BLOC1S3: variants seen among roughly 807,000 people sequenced by gnomAD.
BLOC1S3 encodes biogenesis of lysosomal organelles complex 1 subunit 3.
A neutral mutation model predicts 9.1 loss-of-function variants in BLOC1S3; 7 were observed. The ratio of observed to expected loss-of-function variants is 0.77; its 90% CI spans 0.44 to 1.45. BLOC1S3 has a LOEUF of 1.45. Among genes scored for constraint, BLOC1S3 ranks in the 40% most tolerant of loss-of-function variants. The probability of loss-of-function intolerance (pLI) is 0.01; values close to 1 mark genes in which losing one functional copy is unlikely to be tolerated. For missense variants in BLOC1S3, 307 were observed against 315.2 expected, an observed-to-expected ratio of 0.97 and a Z score of 0.20; for synonymous variants, 145 against 158.4, an observed-to-expected ratio of 0.92 and a Z score of 0.64.
chr19:45,215,741 G>A (rs1008549999), intron 3 of BLOC1S3, among the ~76,000 whole-genome samples: 25 of 152,128 alleles, frequency 1.6e-4, no homozygotes, highest in African/African-American at 2.4e-5. Context: ...GTGCGTGTGC[G>A]CCCGTGTGCC....
chr19:45,206,419 C>T (rs1479971334), intron 3 of BLOC1S3, among the ~76,000 whole-genome samples: 3 of 93,240 alleles, frequency 3.2e-5, no homozygotes, highest in Non-Finnish European at 4.3e-5. Flanking sequence ...GGTCATTGTT[C>T]TCTTTTTCCA....
intron 2 of BLOC1S3, among the ~76,000 whole-genome samples, chr19:45,193,268 G>A (rs1215543313): frequency 1.3e-5 from 2 of 151,556 alleles, no homozygotes; most frequent in African/African-American, 2.4e-5. Context: ...GCTTTTTTGT[G>A]TGGATAGTTG....
Position 45,179,548 on chromosome 19 carries a change from G to A in BLOC1S3, c.252G>A (p.Val84=). 1 of 1,519,408 alleles carries A rather than the reference G, an allele frequency of 6.6e-7. No individual in the cohort carries two copies. Among genetic ancestry groups the A allele is most frequent in the Non-Finnish European group, 8.8e-7 (1 of 1,141,044 alleles). The allele number at this position is 1,519,408 out of a possible 1,614,324, so 94.1% of individuals were successfully genotyped here. Reference sequence around the variant, plus strand: ...CGCCGAGGGACCTGCCTCCACTCGTGGTGCAGCGGGAATCGGCGGAGGAGG... The same window carrying A: ...CGCCGAGGGACCTGCCTCCACTCGTAGTGCAGCGGGAATCGGCGGAGGAGG... ...TAAPRDLPPL[V]VQRESAEEAW... The change falls in exon 2 of 2, where the codon GTG becomes GTA. Residue 84 remains valine, a synonymous_variant. Transcript: ENST00000433642. This position sits in a 1 kb window ranked among gnomAD's most constrained non-coding sequence, Gnocchi z 4.6.
intron 3 of BLOC1S3, among the ~76,000 whole-genome samples, chr19:45,214,708 A>G (rs1235534300): frequency 2.0e-5 from 3 of 151,496 alleles, no homozygotes; most frequent in Admixed American, 2.0e-4. Context: ...CAGGTGATCC[A>G]CCTACCTCGG....
downstream of BLOC1S3, among the ~76,000 whole-genome samples, chr19:45,182,513 C>T (rs923505008): frequency 6.6e-6 from 1 of 151,928 alleles, no homozygotes; most frequent in Non-Finnish European, 1.5e-5. Context: ...ACTAAAAATA[C>T]ATTAGCCAGG....
At chr19:45,186,981 G>C (rs1218532462), upstream of BLOC1S3, among the ~76,000 whole-genome samples, 1 of 152,230 alleles carries the variant, frequency 6.6e-6, no homozygotes, top group African/African-American at 2.4e-5. Flanking sequence ...GCAGTCAGCA[G>C]GCAGTCACTA....
At chr19:45,215,038 T>C (rs1969818964) in intron 3 of BLOC1S3, among the ~76,000 whole-genome samples, 1 of 151,612 alleles carries the variant, frequency 6.6e-6, no homozygotes, top group South Asian at 2.1e-4. Flanking sequence ...TGCCTATACT[T>C]GGGAGGCTGA....
In BLOC1S3 at chr19:45,179,300, G is replaced by A; in HGVS notation, c.4G>A (p.Ala2Thr). The A allele has an allele frequency of 6.3e-7, 1 of 1,579,016 alleles. No individual in the cohort carries two copies. The highest frequency in any genetic ancestry group is 8.5e-7 in the Non-Finnish European group (1 of 1,171,584). The change falls in exon 2 of 2, where the codon GCG (alanine) becomes ACG (threonine). Residue 2 changes from alanine to threonine, a missense_variant. By Grantham distance (58) the Ala-to-Thr change is moderately conservative (BLOSUM62 0). Coordinates refer to ENST00000433642, the MANE Select transcript of BLOC1S3 (RefSeq NM_212550.5). The surrounding 1 kb of genome is among the most constrained non-coding windows in gnomAD (Gnocchi z 4.6). MASQGRRRRPLR... is the reference protein window; with the variant it reads MTSQGRRRRPLR... ...TCTTCTCCCCTAGTTCGGTGCCATG[G>A]CGTCCCAGGGTCGTCGGCGGAGGCC...
chr19:45,179,838 G>A lies in BLOC1S3; in HGVS notation c.542G>A (p.Arg181His), dbSNP rs781620180. The change falls in exon 2 of 2, where the codon CGC (arginine) becomes CAC (histidine). Residue 181 changes from arginine (R) to histidine (H), a missense_variant. Transcript: ENST00000433642. This position sits in a 1 kb window ranked among gnomAD's most constrained non-coding sequence, Gnocchi z 4.6. The part of the protein sequence containing the change: ...AERLDIVAGC[R>H]LLPDIRGVPG... The stretch of plus-strand genomic sequence containing the variant: ...CGTCTGGACATCGTGGCTGGCTGCC[G>A]CCTGCTGCCGGACATCCGCGGCGTG... 3 of 1,608,434 alleles carry A rather than the reference G, an allele frequency of 1.9e-6. No individual in the cohort carries two copies. Among genetic ancestry groups the A allele is most frequent in the East Asian group, 4.5e-5 (2 of 44,362 alleles).
intron 2 of BLOC1S3, among the ~76,000 whole-genome samples, chr19:45,196,575 T>G (rs1307062142): frequency 6.6e-6 from 1 of 151,756 alleles, no homozygotes; most frequent in Non-Finnish European, 1.5e-5. Context: ...CAGGGGTCTT[T>G]GGGTAAGTGA....
chr19:45,194,910 G>C (rs1477978665), intron 2 of BLOC1S3, among the ~76,000 whole-genome samples: 2 of 151,464 alleles, frequency 1.3e-5, no homozygotes, highest in African/African-American at 4.9e-5. Context: ...AAAAATTTGT[G>C]AACTCTGGTA....
chr19:45,191,257 G>A (rs1275580923), intron 2 of BLOC1S3, among the ~76,000 whole-genome samples: 1 of 151,968 alleles, frequency 6.6e-6, no homozygotes, highest in Non-Finnish European at 1.5e-5. Context: ...CGAGTAGCTG[G>A]GATTACAGGC....
intron 2 of BLOC1S3, among the ~76,000 whole-genome samples, chr19:45,190,821 T>TATGTTATGTTATTTTATTTTA (rs1599751332): frequency 6.8e-6 from 1 of 147,292 alleles, no homozygotes; most frequent in African/African-American, 2.5e-5. Flanking sequence ...TATTTTATTT[T>TATGTTATGTTATTTTATTTTA]TTGAGAGAGA....
chr19:45,214,456 G>GTT (rs140511806), intron 3 of BLOC1S3, among the ~76,000 whole-genome samples: 4 of 151,328 alleles, frequency 2.6e-5, no homozygotes, highest in African/African-American at 9.8e-5. Context: ...GTTTTTTTGT[G>GTT]TGTTTGTTTG....
downstream of BLOC1S3, among the ~76,000 whole-genome samples, chr19:45,186,161 A>G (rs889870828): frequency 6.6e-6 from 1 of 151,996 alleles, no homozygotes; most frequent in African/African-American, 2.4e-5. Flanking sequence ...GGTGCATGGG[A>G]GGGGGTGAGA....
chr19:45,200,384 G>A (rs560983968), intron 2 of BLOC1S3, among the ~76,000 whole-genome samples: 1 of 151,818 alleles, frequency 6.6e-6, no homozygotes, highest in African/African-American at 2.4e-5. Flanking sequence ...GGGTTTCACC[G>A]TGTTAGCCAG....
rs750170358 is a variant in BLOC1S3, at chr19:45,179,916, A to G, written c.*11A>G. On this transcript the variant is annotated 3_prime_UTR_variant, in exon 2 of 2. Transcript: ENST00000433642. This position sits in a 1 kb window ranked among gnomAD's most constrained non-coding sequence, Gnocchi z 4.6. The stretch of plus-strand genomic sequence containing the variant: ...GGGCCGCGGGCCTAGCCATGATTCT[A>G]CTTCCCAACCTGACTGCAATTTGGG... The G allele has an allele frequency of 1.8e-5, 29 of 1,605,772 alleles. No individual in the cohort carries two copies. Among genetic ancestry groups the G allele is most frequent in the East Asian group, 2.3e-5 (1 of 43,880 alleles).
chr19:45,191,113 TTTTTA>T (rs1969604486), intron 2 of BLOC1S3, among the ~76,000 whole-genome samples: 1 of 148,596 alleles, frequency 6.7e-6, no homozygotes, highest in Non-Finnish European at 1.5e-5. Context: ...CCTAGTTTAT[TTTTTA>T]TTTTATTTTT....
At position 45,209,070 on chromosome 19, in the gene BLOC1S3, A is replaced by C. The variant is rs370596462; in HGVS notation, n.282+6563A>C. 1.1e-4 allele frequency among the ~76,000 whole-genome samples: 17 copies of C among 151,792 alleles called. No homozygotes were observed. In the South Asian group the frequency reaches 3.6e-3, roughly 32 times the overall value. On this transcript the variant is annotated intron_variant and non_coding_transcript_variant, in intron 3 of 3. Transcript: ENST00000591569. ...GTTTTTTTTTTGTTGTTTGTTTGAG[A>C]TGGAGTCTCTCTCTGTTGCCCAGGC...
Sources: gnomAD v4.1 joint callset for allele counts (sites outside exome capture counted in the v4.1 genomes callset) on GRCh38, gnomAD v4.1.1 for gene constraint, Gnocchi (gnomAD v3.1) non-coding constraint, MANE v1.5 for transcripts, NCBI Gene and HGNC (gene_info 2026-07-23, HGNC 2026-07-21) for gene names.